PRR16: variants seen among roughly 807,000 people sequenced by gnomAD.
PRR16 encodes proline rich 16.
PRR16 carries 6 observed loss-of-function variants against 18.2 expected under a neutral mutation model. The observed-to-expected ratio is 0.33, with a 90% confidence interval of 0.18 to 0.65. The LOEUF (loss-of-function observed/expected upper bound fraction) is 0.65. Among genes scored for constraint, PRR16 ranks in the 30% least tolerant of loss-of-function variants. The pLI, the probability that PRR16 is intolerant of heterozygous loss-of-function variation, is 0.74. For synonymous variants in PRR16, 151 were observed against 147.8 expected (o/e 1.02, Z -0.16); for missense variants, 412 against 376.6 (o/e 1.09, Z -0.78).
intron 1 of PRR16, among the ~76,000 whole-genome samples, chr5:120,494,834 G>T (rs1246779485): frequency 1.3e-5 from 2 of 151,994 alleles, no homozygotes; most frequent in Non-Finnish European, 2.9e-5. Flanking sequence ...GCACCATTTA[G>T]TGAAAAAACT....
the PRR16 span, among the ~76,000 whole-genome samples, chr5:120,769,994 T>A: frequency 3.9e-5 from 6 of 151,978 alleles, no homozygotes; most frequent in African/African-American, 4.8e-5. Context: ...GTTGGTCACT[T>A]GTATGTCTTC....
the PRR16 span, among the ~76,000 whole-genome samples, chr5:120,720,792 TA>T: frequency 0.012 from 1,776 of 152,200 alleles, 35 homozygotes; most frequent in African/African-American, 0.039. Context: ...TGAACAGTTT[TA>T]TGATGGATTT....
At chr5:120,650,742 G>C (rs1755754192) in intron 1 of PRR16, among the ~76,000 whole-genome samples, 1 of 152,074 alleles carries the variant, frequency 6.6e-6, no homozygotes, top group South Asian at 2.1e-4. Flanking sequence ...GGACATTTGG[G>C]TTGGTTCCAA....
At chr5:120,548,101 A>G (rs1260469671) in intron 1 of PRR16, among the ~76,000 whole-genome samples, 1 of 152,088 alleles carries the variant, frequency 6.6e-6, no homozygotes, top group Non-Finnish European at 1.5e-5. Context: ...TCAAGTAAAG[A>G]ACCTTGATTT....
the PRR16 span, among the ~76,000 whole-genome samples, chr5:120,765,134 A>G: frequency 6.6e-6 from 1 of 152,090 alleles, no homozygotes; most frequent in Non-Finnish European, 1.5e-5. Flanking sequence ...GAACAAAATT[A>G]TATGGTTCTA....
chr5:120,621,957 T>G (rs1026332926), intron 1 of PRR16, among the ~76,000 whole-genome samples: 1 of 152,172 alleles, frequency 6.6e-6, no homozygotes, highest in African/African-American at 2.4e-5. Flanking sequence ...CACTGTATTA[T>G]TTCAGTTCCA....
chr5:120,559,427 G>A (rs1752510236), intron 1 of PRR16, among the ~76,000 whole-genome samples: 1 of 151,696 alleles, frequency 6.6e-6, no homozygotes, highest in South Asian at 2.1e-4. Context: ...CTTACCTAGT[G>A]TATATCCTTG....
chr5:120,667,786 G>A (rs908548115), intron 1 of PRR16, among the ~76,000 whole-genome samples: 14 of 152,216 alleles, frequency 9.2e-5, no homozygotes, highest in African/African-American at 3.4e-4. Flanking sequence ...TCTTAATCCT[G>A]AGTTCTAGTT....
chr5:120,787,169 G>C, the PRR16 span, among the ~76,000 whole-genome samples: 8 of 152,158 alleles, frequency 5.3e-5, no homozygotes, highest in South Asian at 1.7e-3. Context: ...TTGTATAACA[G>C]TGATGGTATA....
chr5:120,503,040 G>T (rs1750517792), intron 1 of PRR16, among the ~76,000 whole-genome samples: 1 of 152,038 alleles, frequency 6.6e-6, no homozygotes, highest in Non-Finnish European at 1.5e-5. Flanking sequence ...AATATTAGAA[G>T]CCACTAGGTT....
the PRR16 span, among the ~76,000 whole-genome samples, chr5:120,697,261 A>G: frequency 6.6e-6 from 1 of 152,216 alleles, no homozygotes; most frequent in Non-Finnish European, 1.5e-5. Flanking sequence ...TCAATTTCAT[A>G]CATTTAAAGA....
intron 1 of PRR16, among the ~76,000 whole-genome samples, chr5:120,610,846 G>A (rs1465422508): frequency 6.6e-6 from 1 of 152,192 alleles, no homozygotes; most frequent in African/African-American, 2.4e-5. Context: ...AATTGTGGAA[G>A]TGACTTTGGA....
chr5:120,726,428 C>T, the PRR16 span, among the ~76,000 whole-genome samples: 2 of 151,908 alleles, frequency 1.3e-5, no homozygotes, highest in Non-Finnish European at 2.9e-5. Context: ...CTCAATACCC[C>T]ATAGTATTTT....
intron 1 of PRR16, among the ~76,000 whole-genome samples, chr5:120,526,849 A>G (rs748963207): frequency 1.3e-5 from 2 of 152,144 alleles, no homozygotes; most frequent in Non-Finnish European, 2.9e-5. Context: ...TCGGCCTCCC[A>G]AAGTGCTGGG....
intron 1 of PRR16, among the ~76,000 whole-genome samples, chr5:120,584,106 G>A (rs918615827): frequency 2.6e-5 from 4 of 152,144 alleles, no homozygotes; most frequent in African/African-American, 9.7e-5. Context: ...GCGAAGGGAA[G>A]CCACTTGAAA....
chr5:120,530,269 A>ATATATATATATATATATT (rs1751502934), intron 1 of PRR16, among the ~76,000 whole-genome samples: 1 of 123,202 alleles, frequency 8.1e-6, no homozygotes, highest in African/African-American at 3.5e-5. Flanking sequence ...ATATATATAT[A>ATATATATATATATATATT]TATATATATA....
chr5:120,756,199 A>G, the PRR16 span, among the ~76,000 whole-genome samples: 1 of 152,088 alleles, frequency 6.6e-6, no homozygotes, highest in Non-Finnish European at 1.5e-5. Flanking sequence ...GCAGTAGGGG[A>G]CCAATCAGAG....
At chr5:120,491,590 C>A (rs916572200) in intron 1 of PRR16, among the ~76,000 whole-genome samples, 7 of 151,862 alleles carry the variant, frequency 4.6e-5, no homozygotes, top group Non-Finnish European at 8.8e-5. Context: ...GTGGCCCAAG[C>A]TGGAGTGCAG....
intron 1 of PRR16, among the ~76,000 whole-genome samples, chr5:120,529,994 A>T (rs1751492256): frequency 6.6e-6 from 1 of 151,434 alleles, no homozygotes; most frequent in South Asian, 2.1e-4. Flanking sequence ...AATGAGAAAA[A>T]GAAAGTGTGT....
Sources: allele counts gnomAD v4.1 joint callset (sites outside exome capture counted in the v4.1 genomes callset), GRCh38; gene constraint gnomAD v4.1.1; transcripts MANE v1.5; gene names NCBI Gene and HGNC (gene_info 2026-07-23, HGNC 2026-07-21).